NPAS3: variants seen among roughly 807,000 people sequenced by gnomAD.
The protein encoded by NPAS3 is neuronal PAS domain-containing protein 3.
In NPAS3, 14 loss-of-function variants were observed where a neutral mutation model predicts 73.1. That is an observed-to-expected ratio of 0.19 (90% CI 0.13 to 0.30). NPAS3 has a LOEUF of 0.30. Among genes scored for constraint, NPAS3 ranks in the 10% least tolerant of loss-of-function variants. The probability of loss-of-function intolerance (pLI) is 1.00; values close to 1 mark genes in which losing one functional copy is unlikely to be tolerated. For missense variants in NPAS3, 1,096 were observed against 1,250.0 expected (o/e 0.88, Z 1.86); for synonymous variants, 620 against 541.5 (o/e 1.14, Z -2.01).
At chr14:33,790,311 C>T (rs1341255895) in intron 9 of NPAS3, among the ~76,000 whole-genome samples, 1 of 152,224 alleles carries the variant, frequency 6.6e-6, no homozygotes, top group East Asian at 1.9e-4. Flanking sequence ...TCTCTCCTTT[C>T]TCACTGCTTA....
At position 33,054,769 on chromosome 14, in the gene NPAS3, C is replaced by T. The variant is rs1359460180; in HGVS notation, c.51-1136C>T. On this transcript the variant is annotated intron_variant, in intron 1 of 11. Coordinates refer to ENST00000356141, the Ensembl canonical transcript of NPAS3. ...CTGGGACTACAGGCGCCGACCACCA[C>T]GCCCGGCTAATTTTTTGTATTTTTA... Among the ~76,000 whole-genome samples the T allele has an allele frequency of 5.3e-5, 8 of 152,090 alleles. No homozygotes were observed. The East Asian group carries it at 9.7e-4, about 18-fold the overall frequency.
At chr14:33,112,169 C>T (rs903163743) in intron 2 of NPAS3, among the ~76,000 whole-genome samples, 15 of 152,114 alleles carry the variant, frequency 9.9e-5, no homozygotes, top group Non-Finnish European at 1.8e-4. Context: ...ATTTATAATC[C>T]TTTGGGTATA....
intron 4 of NPAS3, among the ~76,000 whole-genome samples, chr14:33,513,817 G>T (rs2053173821): frequency 6.6e-6 from 1 of 151,998 alleles, no homozygotes; most frequent in African/African-American, 2.4e-5. Context: ...GATTTGTGGG[G>T]ACTTGTTATA....
chr14:33,384,432 A>C (rs560306648), intron 4 of NPAS3, among the ~76,000 whole-genome samples: 8 of 152,032 alleles, frequency 5.3e-5, no homozygotes, highest in African/African-American at 1.7e-4. Context: ...AAAAAAAAAA[A>C]ACAAATACCA....
intron 1 of NPAS3, among the ~76,000 whole-genome samples, chr14:32,950,057 T>C (rs980435053): frequency 1.3e-5 from 2 of 152,056 alleles, no homozygotes; most frequent in African/African-American, 4.8e-5. Flanking sequence ...ATTAAATACA[T>C]TTAACTATTT....
At chr14:33,253,428 G>A (rs568861756) in intron 3 of NPAS3, among the ~76,000 whole-genome samples, 6 of 152,086 alleles carry the variant, frequency 3.9e-5, no homozygotes, top group Admixed American at 1.3e-4. Flanking sequence ...TTTAGCACAC[G>A]TCAGTTTTTA....
intron 4 of NPAS3, among the ~76,000 whole-genome samples, chr14:33,387,198 A>G (rs576393718): frequency 6.6e-6 from 1 of 152,154 alleles, no homozygotes; most frequent in African/African-American, 2.4e-5. Context: ...AGTCTGTTCA[A>G]TGTCAGATGA....
intron 1 of NPAS3, among the ~76,000 whole-genome samples, chr14:33,018,654 T>C (rs911383145): frequency 6.6e-6 from 1 of 152,202 alleles, no homozygotes; most frequent in Non-Finnish European, 1.5e-5. Flanking sequence ...GTTGAAAGTA[T>C]AAGAAATATA....
intron 1 of NPAS3, among the ~76,000 whole-genome samples, chr14:33,012,226 G>T (rs2039229589): frequency 6.6e-6 from 1 of 152,168 alleles, no homozygotes; most frequent in Non-Finnish European, 1.5e-5. Flanking sequence ...CTTGTTACAG[G>T]TTTTAACTTT....
chr14:33,367,665 T>G (rs138965802), intron 4 of NPAS3, among the ~76,000 whole-genome samples: 1,970 of 152,062 alleles, frequency 0.013, 31 homozygotes, highest in Admixed American at 0.05. Flanking sequence ...ATTTTTTTTT[T>G]TTTGTGTCGC....
At chr14:32,938,570 A>G (rs2035806108), upstream of NPAS3, among the ~76,000 whole-genome samples, 1 of 145,132 alleles carries the variant, frequency 6.9e-6, no homozygotes, top group African/African-American at 2.6e-5. Context: ...GCTCTGGAGC[A>G]AAGCAGCTGG....
chr14:33,698,984 A>G (rs1163577494), intron 6 of NPAS3, among the ~76,000 whole-genome samples: 1 of 152,172 alleles, frequency 6.6e-6, no homozygotes, highest in African/African-American at 2.4e-5. Flanking sequence ...TTATGTACCA[A>G]GTGAAAGCAG....
intron 3 of NPAS3, among the ~76,000 whole-genome samples, chr14:33,235,536 A>G (rs2048002233): frequency 6.6e-6 from 1 of 152,084 alleles, no homozygotes; most frequent in Non-Finnish European, 1.5e-5. Context: ...TGAAGGAGAA[A>G]GTAAAAGCTG....
chr14:33,638,554 GTC>G (rs2058590365), intron 5 of NPAS3, among the ~76,000 whole-genome samples: 1 of 152,214 alleles, frequency 6.6e-6, no homozygotes, highest in Non-Finnish European at 1.5e-5. Flanking sequence ...CATTTTGACT[GTC>G]TAGTACATGT....
chr14:33,571,866 A>G (rs1461126272), intron 5 of NPAS3, among the ~76,000 whole-genome samples: 1 of 152,262 alleles, frequency 6.6e-6, no homozygotes, highest in East Asian at 1.9e-4. Flanking sequence ...TTATACAAAA[A>G]CAAGGGTACT....
rs185818659 is a variant in NPAS3, at chr14:33,440,152, G to A, written c.468+72884G>A. Among the ~76,000 whole-genome samples the A allele has an allele frequency of 8.6e-5, 13 of 151,882 alleles. No homozygotes were observed. The East Asian group carries it at 2.1e-3, about 25-fold the overall frequency. The stretch of plus-strand genomic sequence containing the variant: ...AAAAAGAAAAAAGACCATTGTGGGA[G>A]AGTGGCTGATTGTTGAAGCCGGATG... On this transcript the variant is annotated intron_variant, in intron 4 of 11. Coordinates refer to ENST00000356141, the Ensembl canonical transcript of NPAS3.
intron 2 of NPAS3, among the ~76,000 whole-genome samples, chr14:33,174,488 A>G (rs1446554716): frequency 6.6e-6 from 1 of 152,228 alleles, no homozygotes; most frequent in African/African-American, 2.4e-5. Flanking sequence ...AACAACATTT[A>G]TTGCAAAATA....
chr14:33,525,897 A>C (rs2053778680), intron 4 of NPAS3, among the ~76,000 whole-genome samples: 1 of 152,146 alleles, frequency 6.6e-6, no homozygotes, highest in South Asian at 2.1e-4. Flanking sequence ...GAGAAATGTG[A>C]GATTACGAAA....
intron 4 of NPAS3, among the ~76,000 whole-genome samples, chr14:33,535,849 A>G (rs1306258844): frequency 6.6e-6 from 1 of 152,160 alleles, no homozygotes; most frequent in African/African-American, 2.4e-5. Flanking sequence ...GCAGACATAC[A>G]GTTTGAGCCT....
Sources: allele counts gnomAD v4.1 joint callset (sites outside exome capture counted in the v4.1 genomes callset), GRCh38; gene constraint gnomAD v4.1.1; transcripts MANE v1.5; gene names NCBI Gene and HGNC (gene_info 2026-07-23, HGNC 2026-07-21).